The following ISLR2 variants were observed in gnomAD, a reference collection of about 807,000 sequenced individuals.
ISLR2 encodes the protein immunoglobulin superfamily containing leucine rich repeat 2.
A neutral mutation model predicts 25.5 loss-of-function variants in ISLR2; 16 were observed. The ratio of observed to expected loss-of-function variants is 0.63; its 90% CI spans 0.43 to 0.95. ISLR2 has a LOEUF of 0.95. ISLR2 is among the 40% of genes least tolerant of loss of function. ISLR2 has a pLI of 0.00. For synonymous variants in ISLR2, 508 were observed against 486.6 expected, an observed-to-expected ratio of 1.04 and a Z score of -0.58; for missense variants, 883 against 1,030.7, an observed-to-expected ratio of 0.86 and a Z score of 1.96.
At chr15:74,128,910 C>T (rs936753274), upstream of ISLR2, 2 of 419,800 alleles carry the variant, frequency 4.8e-6, no homozygotes, top group African/African-American at 4.1e-5. Context: ...GTGCTGGCCC[C>T]GCCGTCTGCC....
At chr15:74,104,712 T>C (rs1249924068) in intron 2 of ISLR2, among the ~76,000 whole-genome samples, 6 of 152,062 alleles carry the variant, frequency 3.9e-5, no homozygotes, top group African/African-American at 1.5e-4. Flanking sequence ...AGTTGGAGGC[T>C]ATGGTGAGCT....
At chr15:74,119,904 C>T (rs1008171085) in intron 2 of ISLR2, among the ~76,000 whole-genome samples, 1 of 152,198 alleles carries the variant, frequency 6.6e-6, no homozygotes, top group African/African-American at 2.4e-5. Flanking sequence ...CAGCAAGTCA[C>T]TGGCAGAGCT....
rs1210672936 is a variant in ISLR2 at position 74,133,353 on chromosome 15, G to A, written c.599G>A (p.Arg200Gln). ...VWLQAWAAST[R>Q]VSLPEPDSIA... ...CTGCAGGCCTGGGCCGCGAGCACCCGGGTGTCCTTACCCGAGCCCGACTCC... is the reference window on the plus strand; with the variant it reads ...CTGCAGGCCTGGGCCGCGAGCACCCAGGTGTCCTTACCCGAGCCCGACTCC... The change falls in exon 3 of 3, where the codon CGG (arginine) becomes CAG (glutamine). Residue 200 changes from arginine (R) to glutamine (Q), a missense_variant. Physicochemically the swap from Arg to Gln is conservative, Grantham distance 43. Coordinates refer to ENST00000453268, the MANE Select transcript of ISLR2 (RefSeq NM_020851.3). The A allele has an allele frequency of 5.0e-6, 8 of 1,608,458 alleles. No homozygotes were observed. The highest frequency in any genetic ancestry group is 5.9e-6 in the Non-Finnish European group (7 of 1,179,808).
At chr15:74,122,421 A>G (rs2072260274) in intron 2 of ISLR2, among the ~76,000 whole-genome samples, 1 of 152,228 alleles carries the variant, frequency 6.6e-6, no homozygotes. Context: ...CCCTTGGCCA[A>G]TGTCTGACTG....
chr15:74,118,644 CTAT>C (rs112112565), intron 2 of ISLR2, among the ~76,000 whole-genome samples: 155 of 145,722 alleles, frequency 1.1e-3, no homozygotes, highest in African/African-American at 3.1e-3. Flanking sequence ...AAATCTGAAG[CTAT>C]TATTATTATT....
rs1378901229 is a variant in ISLR2, at chr15:74,134,590, C to T, written c.1836C>T (p.Ala612=). 2.0e-5 allele frequency: 32 copies of T among 1,613,976 alleles called. No individual in the cohort carries two copies. The East Asian group carries it at 7.1e-4, about 36-fold the overall frequency. ...CCACAGTGCCCCTTCTGGGCGCCGC[C>T]TGCTGCCATCTGCTGGCTAAACACC... is the stretch of plus-strand genomic sequence containing the variant. ...VLATVPLLGA[A]CCHLLAKHPG... The change falls in exon 3 of 3, where the codon GCC becomes GCT. Residue 612 remains alanine (A), a synonymous_variant. Transcript: ENST00000453268.
At chr15:74,124,113 T>C (rs1379858934), upstream of ISLR2, among the ~76,000 whole-genome samples, 3 of 151,408 alleles carry the variant, frequency 2.0e-5, no homozygotes, top group Non-Finnish European at 4.4e-5. Context: ...GATCTCAGAC[T>C]GTGGATATAG....
Position 74,135,086 on chromosome 15 carries a change from C to T in ISLR2, c.*94C>T. The T allele has an allele frequency of 1.4e-6, 2 of 1,424,518 alleles. No individual in the cohort carries two copies. Among genetic ancestry groups the T allele is most frequent in the Non-Finnish European group, 9.6e-7 (1 of 1,041,942 alleles). The allele number at this position is 1,424,518 out of a possible 1,614,324, so 88.2% of individuals were successfully genotyped here. ...TGGCAGGACTTATGTCCCCCGTCCC[C>T]AACCTTCACCTACTCCTCCCCCTTA... On this transcript the variant is annotated 3_prime_UTR_variant, in exon 3 of 3. Transcript: ENST00000453268.
rs758271111 is a variant in ISLR2 at position 74,135,036 on chromosome 15, G to T, written c.*44G>T. On this transcript the variant is annotated 3_prime_UTR_variant, in exon 3 of 3. Transcript: ENST00000453268. ...CGCCCATTCCCGACCTCCACCTAGG[G>T]TGCCTGGGAGCAGCAGTCTAGGGCT... is the stretch of plus-strand genomic sequence containing the variant. The T allele has an allele frequency of 3.1e-6, 5 of 1,587,316 alleles. No individual in the cohort carries two copies. In the Admixed American group the frequency reaches 6.8e-5, roughly 22 times the overall value.
Position 74,132,662 on chromosome 15 carries a change from C to T in ISLR2, c.-8-85C>T. ...AGCCCTGGAACTAGTGCTAAACGGG[C>T]TTGCGGAGGCACAGCTTGATAGGGG... On this transcript the variant is annotated intron_variant, in intron 2 of 2. Coordinates refer to ENST00000453268, the MANE Select transcript of ISLR2 (RefSeq NM_020851.3). This position sits in a 1 kb window ranked among gnomAD's most constrained non-coding sequence, Gnocchi z 4.3. The T allele has an allele frequency of 6.7e-7, 1 of 1,492,862 alleles. No individual in the cohort carries two copies. Among genetic ancestry groups the T allele is most frequent in the Non-Finnish European group, 8.9e-7 (1 of 1,120,522 alleles). 92.5% of individuals were successfully genotyped at this position (1,492,862 alleles called of 1,614,324 possible).
At chr15:74,101,769 G>A (rs1277930668) in intron 1 of ISLR2, among the ~76,000 whole-genome samples, 4 of 9,980 alleles carry the variant, frequency 4.0e-4, no homozygotes, top group Non-Finnish European at 1.1e-3. Context: ...AGCTGCTTGT[G>A]CTGGTGCACA....
At position 74,134,704 on chromosome 15, in the gene ISLR2, G is replaced by A. The variant is rs202026978; in HGVS notation, c.1950G>A (p.Ser650=). 6.2e-7 allele frequency: 1 copy of A among 1,614,108 alleles called. No homozygotes were observed. The highest frequency in any genetic ancestry group is 8.5e-7 in the Non-Finnish European group (1 of 1,180,012). ...RIAADFDPRA[S]YLESEKSYPA... ...CCGCAGACTTCGACCCGCGTGCTTCGTACCTCGAGTCCGAGAAAAGCTACC... is the reference window on the plus strand; with the variant it reads ...CCGCAGACTTCGACCCGCGTGCTTCATACCTCGAGTCCGAGAAAAGCTACC... Residue 650 remains serine, a synonymous_variant, in exon 3 of 3, where the codon TCG becomes TCA. Transcript: ENST00000453268.
intron 2 of ISLR2, among the ~76,000 whole-genome samples, chr15:74,112,853 G>T (rs1221382944): frequency 2.8e-4 from 34 of 119,622 alleles, no homozygotes; most frequent in Admixed American, 9.7e-5. Context: ...TTTGAGACAA[G>T]ATCTCACTCT....
At chr15:74,127,540 A>T (rs1443579210), upstream of ISLR2, 1 of 152,354 alleles carries the variant, frequency 6.6e-6, no homozygotes, top group African/African-American at 2.4e-5. Flanking sequence ...CGGGAAGTAA[A>T]GCCTCGGGAC....
chr15:74,114,361 T>G (rs1275270219), intron 2 of ISLR2, among the ~76,000 whole-genome samples: 9 of 152,092 alleles, frequency 5.9e-5, no homozygotes. Flanking sequence ...AGACCAACAG[T>G]TCTAAGAAAA....
At chr15:74,111,718 G>A (rs1343705941) in intron 2 of ISLR2, among the ~76,000 whole-genome samples, 6 of 152,184 alleles carry the variant, frequency 3.9e-5, no homozygotes, top group African/African-American at 1.4e-4. Flanking sequence ...CTACAAGCCC[G>A]TGCCACCATG....
intron 1 of ISLR2, 44 bp downstream of exon 1, chr15:74,130,665 G>A (rs1243328633): frequency 1.3e-5 from 2 of 152,512 alleles, no homozygotes; most frequent in Admixed American, 6.5e-5. Flanking sequence ...AGAGGAGAAC[G>A]GTAAGTGTCC....
rs773420244 is a variant in ISLR2, at chr15:74,134,768, G to A, written c.2014G>A (p.Val672Met). Residue 672 changes from valine (V) to methionine (M), a missense_variant, in exon 3 of 3, where the codon GTG (valine) becomes ATG (methionine). Coordinates refer to ENST00000453268, the MANE Select transcript of ISLR2 (RefSeq NM_020851.3). ...GEAGGEEPED[V>M]QGEGLDEDAE... is the part of the protein sequence containing the mutation. ...GGCGGGCGGCGAGGAGCCAGAGGACGTGCAGGGGGAGGGCCTTGATGAAGA... is the reference window on the plus strand; with the variant it reads ...GGCGGGCGGCGAGGAGCCAGAGGACATGCAGGGGGAGGGCCTTGATGAAGA... The A allele has an allele frequency of 6.2e-7, 1 of 1,613,844 alleles. No individual in the cohort carries two copies. Among genetic ancestry groups the A allele is most frequent in the Non-Finnish European group, 8.5e-7 (1 of 1,179,928 alleles).
At chr15:74,129,438 C>T (rs1032285760), upstream of ISLR2, 2 of 194,590 alleles carry the variant, frequency 1.0e-5, no homozygotes, top group Admixed American at 1.1e-4. The surrounding 1 kb of genome is among the most constrained non-coding windows in gnomAD (Gnocchi z 4.5). Context: ...CCCCCATGGC[C>T]CGGGGTGATG....
Sources: allele counts gnomAD v4.1 joint callset (sites outside exome capture counted in the v4.1 genomes callset), GRCh38; gene constraint gnomAD v4.1.1; non-coding constraint Gnocchi (gnomAD v3.1); transcripts MANE v1.5; gene names NCBI Gene and HGNC (gene_info 2026-07-23, HGNC 2026-07-21).